PCSK5: variants seen among roughly 807,000 people sequenced by gnomAD.
PCSK5 encodes prohormone convertase 5.
A neutral mutation model predicts 233.2 loss-of-function variants in PCSK5; 129 were observed. The ratio of observed to expected loss-of-function variants is 0.55; its 90% CI spans 0.48 to 0.64. The LOEUF (loss-of-function observed/expected upper bound fraction) is 0.64. Among genes scored for constraint, PCSK5 ranks in the 30% least tolerant of loss-of-function variants. The probability of loss-of-function intolerance (pLI) is 0.00; values close to 1 mark genes in which losing one functional copy is unlikely to be tolerated. For missense variants in PCSK5, 2,076 were observed against 2,430.1 expected, an observed-to-expected ratio of 0.85 and a Z score of 3.06; for synonymous variants, 825 against 879.2, an observed-to-expected ratio of 0.94 and a Z score of 1.09.
intron 10 of PCSK5, among the ~76,000 whole-genome samples, chr9:76,154,174 A>C (rs1823786271): frequency 6.6e-6 from 1 of 152,150 alleles, no homozygotes; most frequent in Non-Finnish European, 1.5e-5. Context: ...ATATTATATT[A>C]GTATGAAGTT....
chr9:76,285,635 C>T (rs531413671), intron 24 of PCSK5, among the ~76,000 whole-genome samples: 157 of 152,116 alleles, frequency 1.0e-3, no homozygotes, highest in Non-Finnish European at 1.5e-3. Context: ...GATAGGAGCA[C>T]CCTAAAATTA....
chr9:76,295,960 G>C (rs1364646301), intron 26 of PCSK5, among the ~76,000 whole-genome samples: 1 of 152,206 alleles, frequency 6.6e-6, no homozygotes, highest in Non-Finnish European at 1.5e-5. Context: ...ATGATCTTCA[G>C]TGTTTCTCTA....
At chr9:76,176,803 T>C (rs1042444275) in intron 14 of PCSK5, among the ~76,000 whole-genome samples, 1 of 152,200 alleles carries the variant, frequency 6.6e-6, no homozygotes, top group East Asian at 1.9e-4. Context: ...CTCTCATTAA[T>C]TTATATAGTT....
intron 1 of PCSK5, among the ~76,000 whole-genome samples, chr9:75,898,701 G>A (rs2131192578): frequency 6.6e-6 from 1 of 151,026 alleles, no homozygotes; most frequent in South Asian, 2.1e-4. Context: ...AGGTTTTATA[G>A]GCCCTAAATG....
chr9:76,001,293 T>C (rs988367598), intron 3 of PCSK5, among the ~76,000 whole-genome samples: 38 of 152,112 alleles, frequency 2.5e-4, no homozygotes, highest in African/African-American at 9.2e-4. Flanking sequence ...ATCCCACACA[T>C]GTCATGTGGT....
At chr9:75,902,985 A>T (rs1826106018) in intron 1 of PCSK5, among the ~76,000 whole-genome samples, 1 of 152,218 alleles carries the variant, frequency 6.6e-6, no homozygotes, top group Admixed American at 6.5e-5. Flanking sequence ...ATGATTTTTT[A>T]AAATGGTCTA....
At chr9:76,301,905 T>C (rs971096983) in intron 27 of PCSK5, among the ~76,000 whole-genome samples, 4 of 152,134 alleles carry the variant, frequency 2.6e-5, no homozygotes, top group Admixed American at 2.0e-4. Flanking sequence ...ACGAGATTTA[T>C]AGTGTTAAAT....
At chr9:75,945,197 T>C (rs1208280226) in intron 2 of PCSK5, among the ~76,000 whole-genome samples, 1 of 150,972 alleles carries the variant, frequency 6.6e-6, no homozygotes, top group Non-Finnish European at 1.5e-5. Flanking sequence ...TAATATAACA[T>C]ATAAAATATA....
chr9:76,098,877 G>C (rs1468864535), intron 8 of PCSK5, among the ~76,000 whole-genome samples: 1 of 152,176 alleles, frequency 6.6e-6, no homozygotes, highest in Non-Finnish European at 1.5e-5. Flanking sequence ...TGCTGTGATT[G>C]TGTGGTTGCC....
At chr9:76,021,491 G>A (rs1392812536) in intron 3 of PCSK5, among the ~76,000 whole-genome samples, 2 of 152,060 alleles carry the variant, frequency 1.3e-5, no homozygotes, top group African/African-American at 2.4e-5. Context: ...GAGAGAATTC[G>A]GGTTAGTAGA....
chr9:76,126,013 A>T (rs1329211287), intron 9 of PCSK5, among the ~76,000 whole-genome samples: 1 of 152,236 alleles, frequency 6.6e-6, no homozygotes, highest in African/African-American at 2.4e-5. Flanking sequence ...TTCTGGAAAG[A>T]TAGCATTTTG....
intron 24 of PCSK5, among the ~76,000 whole-genome samples, chr9:76,247,443 G>A (rs1826650027): frequency 6.6e-6 from 1 of 152,154 alleles, no homozygotes; most frequent in Non-Finnish European, 1.5e-5. Context: ...GGGGATAGAT[G>A]ATTGGCTATT....
At chr9:75,902,214 TAAAAAAAAAAAAAA>T (rs200579439) in intron 1 of PCSK5, among the ~76,000 whole-genome samples, 13,228 of 53,438 alleles carry the variant, frequency 0.25, 1,057 homozygotes, top group Admixed American at 0.36. Flanking sequence ...AGACACCATC[TAAAAAAAAAAAAAA>T]AAAAAAAAAA....
intron 5 of PCSK5, among the ~76,000 whole-genome samples, chr9:76,067,185 C>T (rs991717054): frequency 1.3e-5 from 2 of 152,160 alleles, no homozygotes; most frequent in Admixed American, 1.3e-4. Flanking sequence ...GTTCTTTCAG[C>T]TAAAAGATGT....
intron 25 of PCSK5, 93 bp from the exon 26 acceptor site, chr9:76,295,182 A>C: frequency 1.7e-6 from 2 of 1,161,384 alleles, no homozygotes; most frequent in Non-Finnish European, 2.4e-6. Flanking sequence ...CGAAACAAAA[A>C]ACTCTGCATA....
In PCSK5 at chr9:76,362,458, T is replaced by C. The variant is rs1830444903; in HGVS notation, c.*3536T>C. On this transcript the variant is annotated 3_prime_UTR_variant, in exon 38 of 38. Coordinates refer to ENST00000674117, the MANE Select transcript of PCSK5 (RefSeq NM_001372043.1). ...GTGCTATTTTTTCTTCTTTTTATCT[T>C]CCTACACTCAAAGACCAAGCTAGCT... 6.6e-6 allele frequency: 1 copy of C among 152,208 alleles called. No homozygotes were observed. The highest frequency in any genetic ancestry group is 2.4e-5 in the African/African-American group (1 of 41,460). The allele number at this position is 152,208 out of a possible 1,614,324, so 9.4% of individuals were successfully genotyped here.
At chr9:75,940,768 A>G (rs1824267217) in intron 2 of PCSK5, among the ~76,000 whole-genome samples, 2 of 152,200 alleles carry the variant, frequency 1.3e-5, no homozygotes, top group African/African-American at 2.4e-5. Context: ...TTATAATTTC[A>G]GAAGTATTTT....
intron 5 of PCSK5, among the ~76,000 whole-genome samples, chr9:76,054,521 C>T (rs914762852): frequency 5.9e-5 from 9 of 152,162 alleles, no homozygotes; most frequent in Admixed American, 2.0e-4. Context: ...TAAGAAAACA[C>T]TTCTAAAGCA....
chr9:76,029,119 G>A (rs559251931), intron 5 of PCSK5, among the ~76,000 whole-genome samples: 22 of 152,232 alleles, frequency 1.4e-4, no homozygotes, highest in Non-Finnish European at 1.9e-4. Flanking sequence ...GAGCTGAACC[G>A]CTTTGCTGCT....
Sources: gnomAD v4.1 joint callset for allele counts (sites outside exome capture counted in the v4.1 genomes callset) on GRCh38, gnomAD v4.1.1 for gene constraint, MANE v1.5 for transcripts, NCBI Gene and HGNC (gene_info 2026-07-23, HGNC 2026-07-21) for gene names.